Variants in ATL2 observed in about 807,000 individuals in gnomAD.
The protein encoded by ATL2 is atlastin-2.
In ATL2, 31 loss-of-function variants were observed where a neutral mutation model predicts 73.9. That is an observed-to-expected ratio of 0.42 (90% CI 0.32 to 0.57). The LOEUF (loss-of-function observed/expected upper bound fraction) is 0.57, where lower values mean the gene tolerates loss of function less well. Ranked by LOEUF, ATL2 falls within the 20% of genes least tolerant of loss-of-function variation. The probability of loss-of-function intolerance (pLI) is 0.14; values close to 1 mark genes in which losing one functional copy is unlikely to be tolerated. For synonymous variants in ATL2, 291 were observed against 237.5 expected, an observed-to-expected ratio of 1.23 and a Z score of -2.07; for missense variants, 738 against 702.6, an observed-to-expected ratio of 1.05 and a Z score of -0.57.
intron 12 of ATL2, chr2:38,296,444 G>C: frequency 6.4e-7 from 1 of 1,567,634 alleles, no homozygotes; most frequent in South Asian, 1.2e-5. Context: ...ATGTGTAAGT[G>C]TGAACACTTC....
chr2:38,294,769 C>G lies in ATL2; in HGVS notation c.*1225G>C, dbSNP rs1299231659. Reference sequence around the variant, plus strand: ...CAAGCTTAGTTTTGAGGTACAATGCCTTAGAGCTCTCAACTGGGGTGTTTC... The same window carrying G: ...CAAGCTTAGTTTTGAGGTACAATGCGTTAGAGCTCTCAACTGGGGTGTTTC... On this transcript the variant is annotated 3_prime_UTR_variant, in exon 13 of 13. Coordinates refer to ENST00000378954, the MANE Select transcript of ATL2 (RefSeq NM_001135673.4). 1 of 152,070 alleles carries G rather than the reference C, an allele frequency of 6.6e-6. No individual in the cohort carries two copies. The highest frequency in any genetic ancestry group is 1.9e-4 in the East Asian group (1 of 5,192). The allele number at this position is 152,070 out of a possible 1,614,324, so 9.4% of individuals were successfully genotyped here. A position where few individuals can be genotyped will look rare whatever the true frequency, so the allele number is the denominator to read the frequency against.
At chr2:38,309,348 C>T (rs1315343139) in intron 9 of ATL2, 31 bp downstream of exon 9, 1 of 1,571,268 alleles carries the variant, frequency 6.4e-7, no homozygotes, top group Non-Finnish European at 8.6e-7. Context: ...ACATTTCTAT[C>T]TTAGACAAAA....
At position 38,310,377 on chromosome 2, in the gene ATL2, C is replaced by T; in HGVS notation, c.875G>A (p.Gly292Asp). 1 of 1,609,430 alleles carries T rather than the reference C, an allele frequency of 6.2e-7. No individual in the cohort carries two copies. The highest frequency in any genetic ancestry group is 8.5e-7 in the Non-Finnish European group (1 of 1,178,166). The change falls in exon 8 of 13, where the codon GGT becomes GAT. Residue 292 changes from glycine (G) to aspartate (D), a missense_variant. Physicochemically the swap from Gly to Asp is moderately conservative, Grantham distance 94. Transcript: ENST00000378954. Reference sequence around the variant, plus strand: ...ACCAGGATGTGGCAAAAGGAAGCAACCAAGATTTGAGAAACAATTGTGTAT... The same window carrying T: ...ACCAGGATGTGGCAAAAGGAAGCAATCAAGATTTGAGAAACAATTGTGTAT... Reference protein sequence around the residue: ...KHIHNCFSNLGCFLLPHPGLK... With the variant: ...KHIHNCFSNLDCFLLPHPGLK...
At chr2:38,314,512 C>T in intron 6 of ATL2, 96 bp downstream of exon 6, 3 of 784,418 alleles carry the variant, frequency 3.8e-6, no homozygotes, top group Non-Finnish European at 6.4e-6. Flanking sequence ...AGCAATGAGT[C>T]TATTGTAATA....
intron 2 of ATL2, among the ~76,000 whole-genome samples, chr2:38,342,820 A>G (rs1669799743): frequency 6.6e-6 from 1 of 152,192 alleles, no homozygotes; most frequent in South Asian, 2.1e-4. Context: ...TTCCATATGC[A>G]GTATATGCAG....
chr2:38,311,161 A>T (rs2148422403), intron 7 of ATL2, among the ~76,000 whole-genome samples: 1 of 152,264 alleles, frequency 6.6e-6, no homozygotes, highest in South Asian at 2.1e-4. Context: ...TAAAAAGTTT[A>T]GCCCCTGAAC....
rs1558377658 is a variant in ATL2, at chr2:38,295,744, A to G, written c.*250T>C. On this transcript the variant is annotated 3_prime_UTR_variant, in exon 13 of 13. Transcript: ENST00000378954. ...ATTAGATTAAGTAAAAAGAAATAAA[A>G]GAGTTAAACATGGCACAAAGGTGCA... is the stretch of plus-strand genomic sequence containing the variant. 3.4e-6 allele frequency: 1 copy of G among 291,334 alleles called. No individual in the cohort carries two copies. Among genetic ancestry groups the G allele is most frequent in the Non-Finnish European group, 6.4e-6 (1 of 157,154 alleles). 18.0% of individuals were successfully genotyped at this position (291,334 alleles called of 1,614,324 possible).
In ATL2 at chr2:38,330,245, T is replaced by C. The variant is rs1343194691; in HGVS notation, c.364-11226A>G. Reference sequence around the variant, plus strand: ...AAAAAAAAAAAAACTCCCAGCACACTAGGAATAAAGAAAAACTTCAATTAA... The same window carrying C: ...AAAAAAAAAAAAACTCCCAGCACACCAGGAATAAAGAAAAACTTCAATTAA... On this transcript the variant is annotated intron_variant, in intron 2 of 12. Coordinates refer to ENST00000378954, the MANE Select transcript of ATL2 (RefSeq NM_001135673.4). 8.0e-5 allele frequency among the ~76,000 whole-genome samples: 11 copies of C among 138,088 alleles called. No individual in the cohort carries two copies. The East Asian group carries it at 2.1e-3, about 27-fold the overall frequency. 90.6% of individuals were successfully genotyped at this position (138,088 alleles called of 152,430 possible).
chr2:38,346,450 C>A (rs1004167382), intron 1 of ATL2, among the ~76,000 whole-genome samples: 19 of 152,220 alleles, frequency 1.2e-4, no homozygotes, highest in African/African-American at 4.3e-4. Flanking sequence ...CACCGCCAAT[C>A]TCTGTTGCCT....
At chr2:38,305,742 C>T (rs78629252) in intron 9 of ATL2, among the ~76,000 whole-genome samples, 8 of 150,740 alleles carry the variant, frequency 5.3e-5, no homozygotes, top group Middle Eastern at 3.4e-3. Flanking sequence ...CAAATGAAAA[C>T]GGAAACACAA....
intron 9 of ATL2, among the ~76,000 whole-genome samples, chr2:38,305,487 T>A (rs1224296890): frequency 6.6e-6 from 1 of 152,066 alleles, no homozygotes; most frequent in African/African-American, 2.4e-5. Flanking sequence ...AGGTAGAGGT[T>A]GCAGTGAGCC....
intron 1 of ATL2, among the ~76,000 whole-genome samples, chr2:38,352,150 A>AAAC (rs1670391458): frequency 2.0e-5 from 3 of 149,438 alleles, no homozygotes; most frequent in Middle Eastern, 3.2e-3. Context: ...AAAAAAAAAA[A>AAAC]AAAAAAAAAA....
intron 2 of ATL2, among the ~76,000 whole-genome samples, chr2:38,336,361 G>C (rs1417137587): frequency 6.6e-6 from 1 of 152,128 alleles, no homozygotes; most frequent in Non-Finnish European, 1.5e-5. Context: ...AAACATAAAG[G>C]ACAGTTTTTT....
chr2:38,325,660 GTACACA>G (rs1558411742), intron 2 of ATL2, among the ~76,000 whole-genome samples: 3 of 5,218 alleles, frequency 5.7e-4, no homozygotes, highest in Non-Finnish European at 1.6e-3. Flanking sequence ...ACACACACCA[GTACACA>G]CACACACACA....
At position 38,358,592 on chromosome 2, in the gene ATL2, T is replaced by C. The variant is rs539936343; in HGVS notation, c.119-15080A>G. The C allele has an allele frequency of 8.5e-4, 250 of 293,586 alleles. 4 individuals are homozygous for C. Among genetic ancestry groups the C allele is most frequent in the South Asian group, 5.5e-3 (229 of 41,588 alleles). The allele number at this position is 293,586 out of a possible 1,614,324, so 18.2% of individuals were successfully genotyped here. ...CTGTAGTCCCAGATACTCAGGAGGC[T>C]GAGGCCGGAGAATGGCGTGGACCCA... On this transcript the variant is annotated intron_variant, in intron 1 of 12. Transcript: ENST00000378954.
intron 2 of ATL2, among the ~76,000 whole-genome samples, chr2:38,328,346 T>C (rs1668785826): frequency 6.6e-6 from 1 of 152,196 alleles, no homozygotes; most frequent in South Asian, 2.1e-4. Flanking sequence ...CATTATAGTA[T>C]ATTTCATCCA....
At position 38,295,899 on chromosome 2, in the gene ATL2, A is replaced by C; in HGVS notation, c.*95T>G. The stretch of plus-strand genomic sequence containing the variant: ...GCCAGTTACACTAAACTACTTCTAC[A>C]GTTGATTGTAAACTTTGGTTTATTT... On this transcript the variant is annotated 3_prime_UTR_variant, in exon 13 of 13. Transcript: ENST00000378954. 9.5e-7 allele frequency: 1 copy of C among 1,051,684 alleles called. No individual in the cohort carries two copies. Among genetic ancestry groups the C allele is most frequent in the Non-Finnish European group, 1.4e-6 (1 of 730,770 alleles). The allele number at this position is 1,051,684 out of a possible 1,614,324, so 65.1% of individuals were successfully genotyped here.
Position 38,343,149 on chromosome 2 carries a change from TAAAAAAAAAAA to T in ATL2, c.363+108_363+118del, listed in dbSNP as rs59215933. On this transcript the variant is annotated intron_variant, in intron 2 of 12. Coordinates refer to ENST00000378954, the MANE Select transcript of ATL2 (RefSeq NM_001135673.4). ...GGTAACAGAGTGAGACCACTTAAATTAAAAAAAAAAAAAAAAAAAAAAAAAAAAAGATATAG... is the reference window on the plus strand; with the variant it reads ...GGTAACAGAGTGAGACCACTTAAATTAAAAAAAAAAAAAAAAAAGATATAG... 5.1e-3 allele frequency: 1,871 copies of T among 364,278 alleles called. 50 individuals carry two copies. The highest frequency in any genetic ancestry group is 9.7e-3 in the South Asian group (228 of 23,562). 22.6% of individuals were successfully genotyped at this position (364,278 alleles called of 1,614,324 possible). A position where few individuals can be genotyped will look rare whatever the true frequency, so the allele number is the denominator to read the frequency against.
intron 1 of ATL2, among the ~76,000 whole-genome samples, chr2:38,366,181 T>A: frequency 6.6e-6 from 1 of 150,968 alleles, no homozygotes; most frequent in South Asian, 2.1e-4. Context: ...AATTTGAGGG[T>A]ACATGACAGG....
Sources: gnomAD v4.1 joint callset for allele counts (sites outside exome capture counted in the v4.1 genomes callset) on GRCh38, gnomAD v4.1.1 for gene constraint, MANE v1.5 for transcripts, NCBI Gene and HGNC (gene_info 2026-07-23, HGNC 2026-07-21) for gene names.